The following CCSAP variants were observed in gnomAD, a reference collection of about 807,000 sequenced individuals.
CCSAP encodes centriole, cilia and spindle associated protein.
In CCSAP, 17 loss-of-function variants were observed where a neutral mutation model predicts 25.9. The ratio of observed to expected loss-of-function variants is 0.66; its 90% CI spans 0.45 to 0.99. The LOEUF (loss-of-function observed/expected upper bound fraction) is 0.99. Ranked by LOEUF, CCSAP falls within the 50% of genes least tolerant of loss-of-function variation. The pLI is 0.00. For synonymous variants in CCSAP, 169 were observed against 157.1 expected (o/e 1.08, Z -0.57); for missense variants, 339 against 367.8 (o/e 0.92, Z 0.64).
chr1:229,338,405 T>C (rs1383783235), intron 2 of CCSAP, among the ~76,000 whole-genome samples: 1 of 152,056 alleles, frequency 6.6e-6, no homozygotes, highest in Admixed American at 6.6e-5. Context: ...TTGCTAAAAA[T>C]AAAATCTAAC....
In CCSAP at chr1:229,322,353, T is replaced by C. The variant is rs1357113762; in HGVS notation, c.*2882A>G. The stretch of plus-strand genomic sequence containing the variant: ...TAAATACCCTTCAAGTTGCTAGCAA[T>C]TGATCTTCGATGAAACACAATGACA... On this transcript the variant is annotated 3_prime_UTR_variant, in exon 4 of 4. Transcript: ENST00000284617. 2 of 152,204 alleles carry C rather than the reference T, an allele frequency of 1.3e-5. No homozygotes were observed. Among genetic ancestry groups the C allele is most frequent in the Admixed American group, 6.5e-5 (1 of 15,288 alleles). 9.4% of individuals were successfully genotyped at this position (152,204 alleles called of 1,614,324 possible). A position where few individuals can be genotyped will look rare whatever the true frequency, so the allele number is the denominator to read the frequency against.
Position 229,326,817 on chromosome 1 carries a change from A to C in CCSAP, c.557T>G (p.Leu186Arg). 1 of 1,614,248 alleles carries C rather than the reference A, an allele frequency of 6.2e-7. No individual in the cohort carries two copies. Among genetic ancestry groups the C allele is most frequent in the Non-Finnish European group, 8.5e-7 (1 of 1,180,050 alleles). ...KIKENKHPFA[L>R]YGWGEKQTDT... is the part of the protein sequence containing the mutation. ...GGTCTGTTTTTCTCCCCAGCCATAA[A>C]GAGCAAATGGATGCTTGTTTTCTTT... Residue 186 changes from leucine (L) to arginine (R), a missense_variant, in exon 3 of 4, where the codon CTT (leucine) becomes CGT (arginine). Leu to Arg is a moderately radical substitution (Grantham distance 102, BLOSUM62 -2). Coordinates refer to ENST00000284617, the MANE Select transcript of CCSAP (RefSeq NM_145257.5).
intron 2 of CCSAP, among the ~76,000 whole-genome samples, chr1:229,340,917 C>T (rs1666865711): frequency 2.0e-5 from 3 of 152,106 alleles, no homozygotes; most frequent in Admixed American, 2.0e-4. Context: ...AGATTAGGGC[C>T]GGGCATGGTG....
intron 2 of CCSAP, among the ~76,000 whole-genome samples, chr1:229,332,289 T>C (rs867302048): frequency 7.2e-5 from 11 of 152,156 alleles, no homozygotes; most frequent in Non-Finnish European, 1.3e-4. Context: ...GCCTCGACTT[T>C]CGACTGGTGG....
Position 229,324,033 on chromosome 1 carries a change from C to G in CCSAP, c.*1202G>C, listed in dbSNP as rs192740107. On this transcript the variant is annotated 3_prime_UTR_variant, in exon 4 of 4. Coordinates refer to ENST00000284617, the MANE Select transcript of CCSAP (RefSeq NM_145257.5). ...TAAAACCATTTTTCTACCCCCAAAGCAAACATACTAAAGAGAAGGAGCACT... is the reference window on the plus strand; with the variant it reads ...TAAAACCATTTTTCTACCCCCAAAGGAAACATACTAAAGAGAAGGAGCACT... 6.5e-6 allele frequency: 1 copy of G among 152,724 alleles called. No homozygotes were observed. The highest frequency in any genetic ancestry group is 1.5e-5 in the Non-Finnish European group (1 of 68,028). The allele number at this position is 152,724 out of a possible 1,614,324, so 9.5% of individuals were successfully genotyped here. A position where few individuals can be genotyped will look rare whatever the true frequency, so the allele number is the denominator to read the frequency against.
intron 3 of CCSAP, 129 bp downstream of exon 3, chr1:229,326,609 G>A (rs1657946004): frequency 3.7e-6 from 4 of 1,088,080 alleles, no homozygotes; most frequent in Non-Finnish European, 5.3e-6. Flanking sequence ...AACCCACCAT[G>A]CTATCCCCTA....
intron 2 of CCSAP, among the ~76,000 whole-genome samples, chr1:229,338,604 T>C (rs1658257831): frequency 6.6e-6 from 1 of 150,992 alleles, no homozygotes; most frequent in African/African-American, 2.4e-5. Context: ...TTAGTATCCA[T>C]CCCTTAAATA....
rs958169877 is a variant in CCSAP, at chr1:229,321,858, A to G, written c.*3377T>C. On this transcript the variant is annotated 3_prime_UTR_variant, in exon 4 of 4. Transcript: ENST00000284617. ...ACAAATTGAAAATATTTGGGGGCAA[A>G]AAGGATGGTTTCACTTGTGCTGAAC... The G allele has an allele frequency of 1.3e-5, 2 of 152,230 alleles. No homozygotes were observed. The highest frequency in any genetic ancestry group is 2.9e-5 in the Non-Finnish European group (2 of 68,034). 9.4% of individuals were successfully genotyped at this position (152,230 alleles called of 1,614,324 possible).
chr1:229,332,854 CAG>C (rs1179346927), intron 2 of CCSAP, among the ~76,000 whole-genome samples: 24 of 152,284 alleles, frequency 1.6e-4, no homozygotes, highest in African/African-American at 5.5e-4. Context: ...CCCATCATCA[CAG>C]AGAGAGCTGT....
At chr1:229,341,376 T>C (rs910642658) in intron 2 of CCSAP, among the ~76,000 whole-genome samples, 4 of 152,154 alleles carry the variant, frequency 2.6e-5, no homozygotes, top group Non-Finnish European at 4.4e-5. Flanking sequence ...CATTGGTTAC[T>C]CCAGGCTGTA....
At chr1:229,338,290 A>G (rs1194398286) in intron 2 of CCSAP, among the ~76,000 whole-genome samples, 1 of 152,180 alleles carries the variant, frequency 6.6e-6, no homozygotes, top group Non-Finnish European at 1.5e-5. Context: ...GCTGAAAGGA[A>G]AGCGAAACTG....
rs1361739592 is a variant in CCSAP, at chr1:229,326,974, C to T, written c.400G>A (p.Glu134Lys). 1.2e-6 allele frequency: 2 copies of T among 1,613,702 alleles called. No individual in the cohort carries two copies. The highest frequency in any genetic ancestry group is 4.5e-5 in the East Asian group (2 of 44,874). Residue 134 changes from glutamate (E) to lysine (K), a missense_variant, in exon 3 of 4, where the codon GAA becomes AAA. Glu to Lys is a moderately conservative substitution (Grantham distance 56, BLOSUM62 1). Transcript: ENST00000284617. ...LPVKDVEDKP[E>K]QQTRTRETDK... ...GTCTCTCTTGTTCTGGTTTGTTGTT[C>T]AGGTTTATCTTCTACATCTTTCACT...
In CCSAP at chr1:229,323,756, TATC is replaced by T. The variant is rs1008720317; in HGVS notation, c.*1476_*1478del. 6.6e-6 allele frequency: 1 copy of T among 152,324 alleles called. No homozygotes were observed. Among genetic ancestry groups the T allele is most frequent in the South Asian group, 2.1e-4 (1 of 4,824 alleles). The allele number at this position is 152,324 out of a possible 1,614,324, so 9.4% of individuals were successfully genotyped here. On this transcript the variant is annotated 3_prime_UTR_variant, in exon 4 of 4. Transcript: ENST00000284617. Reference sequence around the variant, plus strand: ...TATGTGTTTTCAAAGCTTAAACAGTTATCATGTGTGAAGAGTTTATGGGGAATG... The same window carrying T: ...TATGTGTTTTCAAAGCTTAAACAGTTATGTGTGAAGAGTTTATGGGGAATG...
chr1:229,332,109 C>T (rs920238196), intron 2 of CCSAP, among the ~76,000 whole-genome samples: 3 of 152,170 alleles, frequency 2.0e-5, no homozygotes, highest in African/African-American at 7.2e-5. Context: ...TCCCAAAGTG[C>T]TGGGATTACA....
intron 2 of CCSAP, among the ~76,000 whole-genome samples, chr1:229,332,502 GTA>G (rs1283960142): frequency 2.0e-5 from 3 of 152,160 alleles, no homozygotes; most frequent in Non-Finnish European, 4.4e-5. Flanking sequence ...AACAATAAGT[GTA>G]TGTTTCTAAA....
At chr1:229,337,678 A>AAAAAAAAAAAAAAT in intron 2 of CCSAP, among the ~76,000 whole-genome samples, 3 of 65,514 alleles carry the variant, frequency 4.6e-5, no homozygotes, top group African/African-American at 1.8e-4. Flanking sequence ...CTCAAAAAAA[A>AAAAAAAAAAAAAAT]ATATATATAT....
At position 229,335,743 on chromosome 1, in the gene CCSAP, G is replaced by A. The variant is rs377115134; in HGVS notation, c.367+6356C>T. 2.1e-4 allele frequency among the ~76,000 whole-genome samples: 32 copies of A among 152,226 alleles called. 1 individual carries two copies. The highest frequency in any genetic ancestry group is 3.4e-3 in the Middle Eastern group (1 of 294). ...TGAGGGTCCCAGCAACAGCCCAGCC[G>A]GGTCCCTCCAGCCTGGAGCCTTCCA... On this transcript the variant is annotated intron_variant, in intron 2 of 3. Coordinates refer to ENST00000284617, the MANE Select transcript of CCSAP (RefSeq NM_145257.5).
intron 2 of CCSAP, among the ~76,000 whole-genome samples, chr1:229,334,117 C>T (rs996412769): frequency 6.6e-6 from 1 of 152,088 alleles, no homozygotes; most frequent in African/African-American, 2.4e-5. Context: ...GTCACCCAGG[C>T]TGGAGTGCAA....
rs535290515 is a variant in CCSAP, at chr1:229,323,676, C to G, written c.*1559G>C. 1 of 152,186 alleles carries G rather than the reference C, an allele frequency of 6.6e-6. No individual in the cohort carries two copies. Among genetic ancestry groups the G allele is most frequent in the Non-Finnish European group, 1.5e-5 (1 of 68,034 alleles). 9.4% of individuals were successfully genotyped at this position (152,186 alleles called of 1,614,324 possible). ...GGAGAGATCTGTAAGGAAACAAATT[C>G]ACCTCAAAACTATGCAAATATTTAA... On this transcript the variant is annotated 3_prime_UTR_variant, in exon 4 of 4. Transcript: ENST00000284617.
Sources: gnomAD v4.1 joint callset for allele counts (sites outside exome capture counted in the v4.1 genomes callset) on GRCh38, gnomAD v4.1.1 for gene constraint, MANE v1.5 for transcripts, NCBI Gene and HGNC (gene_info 2026-07-23, HGNC 2026-07-21) for gene names.